Variants in DPYSL3 observed in about 807,000 individuals in gnomAD.
DPYSL3 encodes the protein dihydropyrimidinase-related protein 3.
Under a neutral mutation model 66.1 loss-of-function variants are expected in DPYSL3, and 16 were observed. The ratio of observed to expected loss-of-function variants is 0.24; its 90% CI spans 0.16 to 0.37. The LOEUF (loss-of-function observed/expected upper bound fraction) is 0.37, where lower values mean the gene tolerates loss of function less well. Among genes scored for constraint, DPYSL3 ranks in the 10% least tolerant of loss-of-function variants. The pLI is 1.00. For synonymous variants in DPYSL3, 338 were observed against 345.1 expected, an observed-to-expected ratio of 0.98 and a Z score of 0.23; for missense variants, 738 against 916.2, an observed-to-expected ratio of 0.81 and a Z score of 2.51.
chr5:147,394,487 C>T (rs1427304454), intron 13 of DPYSL3, among the ~76,000 whole-genome samples: 1 of 152,104 alleles, frequency 6.6e-6, no homozygotes, highest in African/African-American at 2.4e-5. Flanking sequence ...AGAGAGGTGC[C>T]CTTATCTGTT....
intron 5 of DPYSL3, among the ~76,000 whole-genome samples, chr5:147,413,196 T>C (rs1054913247): frequency 6.6e-6 from 1 of 152,172 alleles, no homozygotes; most frequent in Non-Finnish European, 1.5e-5. Flanking sequence ...CAAACGCATG[T>C]CATGAATTTC....
rs1253826486 is a variant in DPYSL3 at position 147,509,691 on chromosome 5, G to C, written c.168C>G (p.Ser56Arg). The C allele has an allele frequency of 5.0e-5, 77 of 1,535,828 alleles. No homozygotes were observed. Among genetic ancestry groups the C allele is most frequent in the Non-Finnish European group, 6.6e-5 (76 of 1,146,794 alleles). The change falls in exon 1 of 14, where the codon AGC becomes AGG. Residue 56 changes from serine to arginine, a missense_variant. Coordinates refer to ENST00000343218, the MANE Select transcript of DPYSL3 (RefSeq NM_001197294.2). The surrounding 1 kb of genome is among the most constrained non-coding windows in gnomAD (Gnocchi z 5.3). ...GAGTCTTCGCGCCCCGCTGCCCCAC[G>C]CTGAGGGCATCGAAATCCAGCGTCT... ...ESKTLDFDAL[S>R]VGQRGAKTPR...
At chr5:147,453,132 G>A (rs1752769379) in intron 1 of DPYSL3, among the ~76,000 whole-genome samples, 1 of 152,036 alleles carries the variant, frequency 6.6e-6, no homozygotes, top group Non-Finnish European at 1.5e-5. Context: ...AAGTACCCCT[G>A]GGGAAAGGTG....
intron 2 of DPYSL3, among the ~76,000 whole-genome samples, chr5:147,420,194 A>G (rs1752050969): frequency 6.6e-6 from 1 of 152,176 alleles, no homozygotes; most frequent in African/African-American, 2.4e-5. Flanking sequence ...CTAGCTGTAT[A>G]ACCTTGGCCA....
intron 1 of DPYSL3, among the ~76,000 whole-genome samples, chr5:147,499,891 A>G (rs1024933196): frequency 2.0e-5 from 3 of 152,228 alleles, no homozygotes; most frequent in Admixed American, 1.3e-4. Flanking sequence ...GACCTACATA[A>G]AAGTAATCAA....
Position 147,392,831 on chromosome 5 carries a change from A to G in DPYSL3, c.*1204T>C, listed in dbSNP as rs1282190886. ...CAGGTGGTTTGGAATGGAAAGGTGG[A>G]ACCAGGTCCACAAAATGTGCTCCCT... On this transcript the variant is annotated 3_prime_UTR_variant, in exon 14 of 14. Coordinates refer to ENST00000343218, the MANE Select transcript of DPYSL3 (RefSeq NM_001197294.2). 1 of 152,238 alleles carries G rather than the reference A, an allele frequency of 6.6e-6. No individual in the cohort carries two copies. Among genetic ancestry groups the G allele is most frequent in the Non-Finnish European group, 1.5e-5 (1 of 68,054 alleles). The allele number at this position is 152,238 out of a possible 1,614,324, so 9.4% of individuals were successfully genotyped here.
At chr5:147,477,833 C>A (rs965359895) in intron 1 of DPYSL3, among the ~76,000 whole-genome samples, 1 of 151,784 alleles carries the variant, frequency 6.6e-6, no homozygotes, top group Non-Finnish European at 1.5e-5. Context: ...CCACCCGCCT[C>A]GGCCTCCCAA....
At chr5:147,437,526 G>A (rs892780662) in intron 1 of DPYSL3, among the ~76,000 whole-genome samples, 66 of 152,300 alleles carry the variant, frequency 4.3e-4, no homozygotes, top group African/African-American at 1.3e-3. Flanking sequence ...ACTGTCCGTG[G>A]TGTGCAAGTC....
chr5:147,459,634 T>G (rs1049030506), intron 1 of DPYSL3, among the ~76,000 whole-genome samples: 3 of 152,134 alleles, frequency 2.0e-5, no homozygotes, highest in African/African-American at 7.2e-5. Context: ...AGAAAAGTAT[T>G]CCCACTGGCT....
At chr5:147,469,209 A>G (rs1199569688) in intron 1 of DPYSL3, among the ~76,000 whole-genome samples, 1 of 152,190 alleles carries the variant, frequency 6.6e-6, no homozygotes, top group Non-Finnish European at 1.5e-5. Flanking sequence ...CACTGATAGC[A>G]GCTGTAGGGC....
At chr5:147,455,786 C>A (rs1752840943) in intron 1 of DPYSL3, among the ~76,000 whole-genome samples, 2 of 151,012 alleles carry the variant, frequency 1.3e-5, no homozygotes, top group South Asian at 4.2e-4. Context: ...CTGCTGCTGC[C>A]TTTTTTTTTA....
chr5:147,437,243 G>T (rs567886565), intron 1 of DPYSL3, among the ~76,000 whole-genome samples: 2 of 152,132 alleles, frequency 1.3e-5, no homozygotes, highest in African/African-American at 2.4e-5. Flanking sequence ...CAAAGACGTC[G>T]AGTGAATTCC....
At chr5:147,451,130 T>C (rs1252141674) in intron 1 of DPYSL3, among the ~76,000 whole-genome samples, 1 of 152,214 alleles carries the variant, frequency 6.6e-6, no homozygotes, top group African/African-American at 2.4e-5. Context: ...TCCTTGTTCA[T>C]GGAAATGCAA....
At chr5:147,397,026 T>C (rs1464227904) in intron 12 of DPYSL3, among the ~76,000 whole-genome samples, 1 of 46,022 alleles carries the variant, frequency 2.2e-5, no homozygotes, top group Non-Finnish European at 3.9e-5. Flanking sequence ...TATATAAATG[T>C]TTATTTATAT....
At chr5:147,437,596 T>C (rs1041414417) in intron 1 of DPYSL3, among the ~76,000 whole-genome samples, 1 of 152,286 alleles carries the variant, frequency 6.6e-6, no homozygotes. Flanking sequence ...GAGGGCCCCA[T>C]GGAGAGTGTG....
chr5:147,480,613 G>T (rs1289395956), intron 1 of DPYSL3, among the ~76,000 whole-genome samples: 5 of 151,780 alleles, frequency 3.3e-5, no homozygotes, highest in Non-Finnish European at 5.9e-5. Context: ...TAAATGGGCA[G>T]CTTTATCTGC....
At chr5:147,455,571 T>C (rs939305649) in intron 1 of DPYSL3, among the ~76,000 whole-genome samples, 3 of 152,138 alleles carry the variant, frequency 2.0e-5, no homozygotes, top group Admixed American at 2.0e-4. Flanking sequence ...ATTCTGGGGA[T>C]TGGCATGCAA....
intron 1 of DPYSL3, among the ~76,000 whole-genome samples, chr5:147,428,517 C>T (rs980916763): frequency 6.6e-6 from 1 of 151,946 alleles, no homozygotes; most frequent in East Asian, 1.9e-4. Context: ...CCACTGACCA[C>T]CCCCAGGTCA....
In DPYSL3 at chr5:147,440,045, G is replaced by A. The variant is rs543310672; in HGVS notation, c.382-15082C>T. On this transcript the variant is annotated intron_variant, in intron 1 of 13. Coordinates refer to ENST00000343218, the MANE Select transcript of DPYSL3 (RefSeq NM_001197294.2). The stretch of plus-strand genomic sequence containing the variant: ...GGGCCAGGCACAGCGGCTCACGCCT[G>A]TAATCCCAGCACTTTGGGAGGCCGA... 1.8e-3 allele frequency among the ~76,000 whole-genome samples: 281 copies of A among 152,330 alleles called. 4 individuals carry two copies. The highest frequency in any genetic ancestry group is 6.1e-3 in the African/African-American group (255 of 41,566).
Sources: gnomAD v4.1 joint callset for allele counts (sites outside exome capture counted in the v4.1 genomes callset) on GRCh38, gnomAD v4.1.1 for gene constraint, Gnocchi (gnomAD v3.1) non-coding constraint, MANE v1.5 for transcripts, NCBI Gene and HGNC (gene_info 2026-07-23, HGNC 2026-07-21) for gene names.